Variants in MYO3B observed in about 807,000 individuals in gnomAD.
MYO3B encodes the protein myosin-IIIb.
MYO3B carries 156 observed loss-of-function variants against 174.6 expected under a neutral mutation model. That is an observed-to-expected ratio of 0.89 (90% CI 0.78 to 1.02). The LOEUF is 1.02. MYO3B is among the 50% of genes least tolerant of loss of function. MYO3B has a pLI of 0.00. For synonymous variants in MYO3B, 563 were observed against 569.1 expected (o/e 0.99, Z 0.15); for missense variants, 1,632 against 1,639.4 (o/e 1.00, Z 0.08).
intron 7 of MYO3B, among the ~76,000 whole-genome samples, chr2:170,324,950 T>C (rs749374229): frequency 2.0e-5 from 3 of 152,152 alleles, no homozygotes; most frequent in Non-Finnish European, 4.4e-5. Flanking sequence ...GGTGGTCTTA[T>C]GCTTGCCAGC....
intron 1 of MYO3B, among the ~76,000 whole-genome samples, chr2:170,188,352 G>A (rs776884396): frequency 5.3e-5 from 8 of 151,940 alleles, no homozygotes; most frequent in South Asian, 2.1e-4. Flanking sequence ...TATTCAGTCC[G>A]TGTGTGCCTT....
intron 22 of MYO3B, among the ~76,000 whole-genome samples, chr2:170,437,788 A>T (rs1375774094): frequency 6.6e-6 from 1 of 152,116 alleles, no homozygotes; most frequent in East Asian, 1.9e-4. Flanking sequence ...CCAGTCTACT[A>T]ATCAGTGTCT....
intron 29 of MYO3B, 98 bp from the exon 30 acceptor site, chr2:170,519,340 G>A (rs184548614): frequency 2.4e-6 from 2 of 835,314 alleles, no homozygotes; most frequent in Admixed American, 4.7e-5. Flanking sequence ...GTGGTATGAG[G>A]GCAGGGAGAG....
At chr2:170,208,343 A>C (rs2092735628) in intron 3 of MYO3B, among the ~76,000 whole-genome samples, 1 of 152,202 alleles carries the variant, frequency 6.6e-6, no homozygotes, top group African/African-American at 2.4e-5. Flanking sequence ...ATGTCTTGTG[A>C]CATGCCCAGA....
intron 22 of MYO3B, among the ~76,000 whole-genome samples, chr2:170,409,285 G>T (rs2094530690): frequency 6.6e-6 from 1 of 152,168 alleles, no homozygotes; most frequent in African/African-American, 2.4e-5. Context: ...GTTCTCCCTT[G>T]ATTCACCCAA....
Position 170,458,631 on chromosome 2 carries a change from A to C in MYO3B, c.2731-4737A>C, listed in dbSNP as rs548989576. On this transcript the variant is annotated intron_variant, in intron 23 of 34. Coordinates refer to ENST00000408978, the MANE Select transcript of MYO3B (RefSeq NM_138995.5). ...TATAATGAAATTAGCTCAGGAAGACAAACTCTTAGGCTACACAACAGCCTT... is the reference window on the plus strand; with the variant it reads ...TATAATGAAATTAGCTCAGGAAGACCAACTCTTAGGCTACACAACAGCCTT... Among the ~76,000 whole-genome samples, 220 of 152,350 alleles carry C rather than the reference A, an allele frequency of 1.4e-3. 1 individual carries two copies. The highest frequency in any genetic ancestry group is 2.4e-3 in the Non-Finnish European group (163 of 68,032).
At chr2:170,436,507 T>A (rs899407050) in intron 22 of MYO3B, among the ~76,000 whole-genome samples, 4 of 152,228 alleles carry the variant, frequency 2.6e-5, no homozygotes, top group Non-Finnish European at 5.9e-5. Flanking sequence ...CTTTCTGGGC[T>A]ATTAATCACA....
intron 32 of MYO3B, among the ~76,000 whole-genome samples, chr2:170,632,928 C>T (rs117212560): frequency 0.022 from 3,349 of 149,538 alleles, 155 homozygotes; most frequent in East Asian, 0.13. Flanking sequence ...CCAAAGACAG[C>T]TGAATTGCTG....
At chr2:170,503,654 T>C (rs1318346878) in intron 28 of MYO3B, among the ~76,000 whole-genome samples, 1 of 448 alleles carries the variant, frequency 2.2e-3, no homozygotes, top group Non-Finnish European at 0.5. Context: ...GTGCCGTCCT[T>C]TTTTTTTTTT....
At chr2:170,429,722 T>C (rs1021404056) in intron 22 of MYO3B, among the ~76,000 whole-genome samples, 12 of 152,360 alleles carry the variant, frequency 7.9e-5, no homozygotes, top group African/African-American at 2.9e-4. Flanking sequence ...TTCCATTTCC[T>C]GTCAAACTCA....
At chr2:170,577,776 C>G (rs567870965) in intron 32 of MYO3B, among the ~76,000 whole-genome samples, 67 of 152,270 alleles carry the variant, frequency 4.4e-4, no homozygotes, top group Admixed American at 4.0e-3. Flanking sequence ...GCTCCTCTTC[C>G]CAAGTCCTGA....
intron 12 of MYO3B, among the ~76,000 whole-genome samples, chr2:170,385,060 A>C (rs1440431249): frequency 6.6e-6 from 1 of 152,108 alleles, no homozygotes. Context: ...GTTTATTATG[A>C]AGGGTATAAC....
chr2:170,534,904 G>GT (rs113289077), intron 30 of MYO3B, among the ~76,000 whole-genome samples: 2 of 152,140 alleles, frequency 1.3e-5, no homozygotes, highest in Admixed American at 1.3e-4. Context: ...AACACATAGT[G>GT]TTTTTTGCCC....
At chr2:170,646,856 A>C in intron 32 of MYO3B, 1 of 1,136,332 alleles carries the variant, frequency 8.8e-7, no homozygotes, top group Non-Finnish European at 1.2e-6. Flanking sequence ...AGGATAGTTC[A>C]ACATTTTTCA....
intron 32 of MYO3B, among the ~76,000 whole-genome samples, chr2:170,599,818 A>G (rs1694387880): frequency 6.6e-6 from 1 of 152,236 alleles, no homozygotes; most frequent in Non-Finnish European, 1.5e-5. Flanking sequence ...CCTTAGTCTC[A>G]GGCTTAGAAA....
rs776742452 is a variant in MYO3B, at chr2:170,595,156, G to A, written c.3733+51168G>A. Among the ~76,000 whole-genome samples the A allele has an allele frequency of 1.4e-4, 22 of 152,234 alleles. No individual in the cohort carries two copies. The Middle Eastern group carries it at 0.014, about 94-fold the overall frequency. On this transcript the variant is annotated intron_variant, in intron 32 of 34. Coordinates refer to ENST00000408978, the MANE Select transcript of MYO3B (RefSeq NM_138995.5). ...GTTTTGATTTCTGTAAAATAGGAAC[G>A]GTAACCATCGTTTTGCAGGGTTGTG... is the stretch of plus-strand genomic sequence containing the variant.
chr2:170,443,394 C>CT (rs1417420513), intron 22 of MYO3B, among the ~76,000 whole-genome samples: 1 of 152,120 alleles, frequency 6.6e-6, no homozygotes. Context: ...GATATTAGCC[C>CT]TTTGTTAGAT....
intron 7 of MYO3B, among the ~76,000 whole-genome samples, chr2:170,331,775 C>T (rs945394877): frequency 3.3e-5 from 5 of 152,142 alleles, no homozygotes; most frequent in East Asian, 1.9e-4. Flanking sequence ...TGCTAGATAT[C>T]GGCTGAGGCC....
rs1395969580 is a variant in MYO3B at position 170,236,136 on chromosome 2, G to A, written c.749G>A (p.Arg250Lys). The A allele has an allele frequency of 6.2e-7, 1 of 1,613,980 alleles. No individual in the cohort carries two copies. Among genetic ancestry groups the A allele is most frequent in the African/African-American group, 1.3e-5 (1 of 74,916 alleles). ...HPVKTLFKIP[R>K]NPPPTLLHPE... is the part of the protein sequence containing the mutation. ...GTGAAAACACTCTTTAAGATTCCAA[G>A]GTAAGACACAAGATGGCGCTCTTGA... Residue 250 changes from arginine (R) to lysine (K), a missense_variant and splice_region_variant, in exon 7 of 35, where the codon AGA becomes AAA. Transcript: ENST00000408978.
Sources: gnomAD v4.1 joint callset for allele counts (sites outside exome capture counted in the v4.1 genomes callset) on GRCh38, gnomAD v4.1.1 for gene constraint, MANE v1.5 for transcripts, NCBI Gene and HGNC (gene_info 2026-07-23, HGNC 2026-07-21) for gene names.